Variants in FER1L6 observed in about 807,000 individuals in gnomAD.
The protein encoded by FER1L6 is fer-1-like protein 6.
Under a neutral mutation model 219.2 loss-of-function variants are expected in FER1L6, and 177 were observed. The observed-to-expected ratio is 0.81, with a 90% confidence interval of 0.71 to 0.91. The LOEUF is 0.91. FER1L6 is among the 40% of genes least tolerant of loss of function. The probability of loss-of-function intolerance (pLI) is 0.00; values close to 1 mark genes in which losing one functional copy is unlikely to be tolerated. For missense variants in FER1L6, 2,153 were observed against 2,259.9 expected, an observed-to-expected ratio of 0.95 and a Z score of 0.96; for synonymous variants, 768 against 824.3, an observed-to-expected ratio of 0.93 and a Z score of 1.17.
chr8:124,119,929 A>T lies in FER1L6; in HGVS notation c.*139A>T. The T allele has an allele frequency of 4.5e-6, 4 of 879,370 alleles. No individual in the cohort carries two copies. Among genetic ancestry groups the T allele is most frequent in the Non-Finnish European group, 6.6e-6 (4 of 603,608 alleles). 54.5% of individuals were successfully genotyped at this position (879,370 alleles called of 1,614,324 possible). On this transcript the variant is annotated 3_prime_UTR_variant, in exon 41 of 41. Transcript: ENST00000522917. The stretch of plus-strand genomic sequence containing the variant: ...CAACCCTTCTTGGAAGAGATGGAAA[A>T]GAAACATTTCCTCCCTGCTCCAACC...
chr8:123,972,585 G>C (rs1237488542), intron 6 of FER1L6, among the ~76,000 whole-genome samples: 1 of 152,152 alleles, frequency 6.6e-6, no homozygotes, highest in East Asian at 1.9e-4. Context: ...CTCTAGGAAA[G>C]CTCATTCCAT....
chr8:123,943,709 C>A (rs967935228), intron 1 of FER1L6, among the ~76,000 whole-genome samples: 1 of 152,038 alleles, frequency 6.6e-6, no homozygotes, highest in African/African-American at 2.4e-5. Flanking sequence ...TTCTCATTAT[C>A]GAACTCTGTC....
intron 32 of FER1L6, among the ~76,000 whole-genome samples, chr8:124,078,845 G>C (rs1821409932): frequency 6.6e-6 from 1 of 152,190 alleles, no homozygotes; most frequent in Admixed American, 6.5e-5. Context: ...AGGAGAGACA[G>C]AGAATTTCCC....
intron 34 of FER1L6, among the ~76,000 whole-genome samples, chr8:124,091,828 G>A (rs984939678): frequency 6.6e-6 from 1 of 151,938 alleles, no homozygotes; most frequent in Non-Finnish European, 1.5e-5. Context: ...GTAGCCATGC[G>A]TGGTGGCAGA....
At chr8:123,855,947 G>A (rs1303321852) in intron 1 of FER1L6, among the ~76,000 whole-genome samples, 2 of 138,388 alleles carry the variant, frequency 1.4e-5, no homozygotes, top group African/African-American at 3.0e-5. Flanking sequence ...TGTAACTAAT[G>A]TAGTATATAT....
intron 1 of FER1L6, among the ~76,000 whole-genome samples, chr8:123,955,165 A>T (rs1293734571): frequency 6.6e-6 from 1 of 152,076 alleles, no homozygotes; most frequent in Non-Finnish European, 1.5e-5. Context: ...GCTACTTGGG[A>T]GGCTGAGGCA....
chr8:123,953,563 C>T (rs115120942), intron 1 of FER1L6, among the ~76,000 whole-genome samples: 77 of 152,326 alleles, frequency 5.1e-4, no homozygotes, highest in African/African-American at 1.7e-3. Flanking sequence ...GCGTCTTCAG[C>T]CATGCCCCAA....
intron 1 of FER1L6, among the ~76,000 whole-genome samples, chr8:123,877,612 C>T (rs1817026153): frequency 1.3e-5 from 2 of 152,068 alleles, no homozygotes; most frequent in Admixed American, 1.3e-4. Context: ...TCTGAGAACT[C>T]TCACTGGTAG....
At chr8:123,893,086 C>T (rs1368852096) in intron 1 of FER1L6, among the ~76,000 whole-genome samples, 1 of 152,106 alleles carries the variant, frequency 6.6e-6, no homozygotes, top group Admixed American at 6.6e-5. Flanking sequence ...AACCAAATTT[C>T]CTTGTCAACT....
chr8:124,110,179 CTG>C (rs1474550801), intron 39 of FER1L6, among the ~76,000 whole-genome samples: 4 of 152,186 alleles, frequency 2.6e-5, no homozygotes, highest in Admixed American at 2.0e-4. Context: ...TAAATAGCCT[CTG>C]TTTGTTCTTA....
intron 1 of FER1L6, among the ~76,000 whole-genome samples, chr8:123,916,912 G>C (rs935809737): frequency 1.3e-5 from 2 of 152,134 alleles, no homozygotes; most frequent in African/African-American, 4.8e-5. Context: ...CATGCCATTG[G>C]TATTTTGACT....
At chr8:124,086,574 T>C (rs1045172788) in intron 33 of FER1L6, among the ~76,000 whole-genome samples, 1 of 152,198 alleles carries the variant, frequency 6.6e-6, no homozygotes, top group Admixed American at 6.5e-5. Flanking sequence ...GTTGTAGTTA[T>C]TTTTGGTTGG....
intron 6 of FER1L6, among the ~76,000 whole-genome samples, chr8:123,970,940 G>A (rs1053927551): frequency 6.6e-6 from 1 of 152,192 alleles, no homozygotes; most frequent in Admixed American, 6.5e-5. Context: ...GATCACCACA[G>A]CTTCTCCCAA....
rs558983575 is a variant in FER1L6 at position 124,071,765 on chromosome 8, T to C, written c.4092+134T>C. The C allele has an allele frequency of 8.6e-6, 10 of 1,162,890 alleles. No homozygotes were observed. In the African/African-American group the frequency reaches 1.5e-4, roughly 18 times the overall value. The allele number at this position is 1,162,890 out of a possible 1,614,324, so 72.0% of individuals were successfully genotyped here. On this transcript the variant is annotated intron_variant, in intron 31 of 40. Coordinates refer to ENST00000522917, the MANE Select transcript of FER1L6 (RefSeq NM_001039112.2). ...AGTTTTGAATGCCATAAGTCTATAA[T>C]CAAGTTGCTACCAGGGTTGGTGTCT...
intron 9 of FER1L6, among the ~76,000 whole-genome samples, chr8:123,977,142 AT>A (rs535507403): frequency 6.6e-6 from 1 of 152,206 alleles, no homozygotes; most frequent in Non-Finnish European, 1.5e-5. Flanking sequence ...CATCCACTGT[AT>A]TTCTGGAGTT....
chr8:124,081,866 C>T (rs535406899), intron 32 of FER1L6, among the ~76,000 whole-genome samples: 1 of 152,204 alleles, frequency 6.6e-6, no homozygotes, highest in African/African-American at 2.4e-5. Context: ...AAACCCCATG[C>T]TAAATTATAA....
chr8:123,879,443 C>T (rs998982344), intron 1 of FER1L6, among the ~76,000 whole-genome samples: 3 of 152,120 alleles, frequency 2.0e-5, no homozygotes. Flanking sequence ...TCTCCTGCCT[C>T]AGCCTCCTGA....
intron 7 of FER1L6, among the ~76,000 whole-genome samples, chr8:123,974,911 C>A (rs1283497707): frequency 6.6e-6 from 1 of 151,902 alleles, no homozygotes; most frequent in African/African-American, 2.4e-5. Context: ...TCTACTAAGT[C>A]AATGGCTTCC....
At chr8:123,993,093 G>T (rs79037854) in intron 12 of FER1L6, among the ~76,000 whole-genome samples, 4,094 of 152,216 alleles carry the variant, frequency 0.027, 110 homozygotes, top group African/African-American at 0.071. Context: ...TTTGAGATTT[G>T]TTTTGTGTCC....
Sources: gnomAD v4.1 joint callset for allele counts (sites outside exome capture counted in the v4.1 genomes callset) on GRCh38, gnomAD v4.1.1 for gene constraint, MANE v1.5 for transcripts, NCBI Gene and HGNC (gene_info 2026-07-23, HGNC 2026-07-21) for gene names.